Variants in HES7 observed in about 807,000 individuals in gnomAD.
HES7 encodes the protein hes family bHLH transcription factor 7.
HES7 carries 8 observed loss-of-function variants against 18.0 expected under a neutral mutation model. That is an observed-to-expected ratio of 0.45 (90% confidence interval 0.26 to 0.80). HES7 has a LOEUF of 0.80. HES7 is among the 30% of genes least tolerant of loss of function. The pLI, the probability that HES7 is intolerant of heterozygous loss-of-function variation, is 0.18. For synonymous variants in HES7, 170 were observed against 158.6 expected, an observed-to-expected ratio of 1.07 and a Z score of -0.54; for missense variants, 356 against 340.9, an observed-to-expected ratio of 1.04 and a Z score of -0.35.
rs1421863280 is a variant in HES7, at chr17:8,123,042, T to A, written c.127A>T (p.Thr43Ser). The A allele has an allele frequency of 1.3e-6, 2 of 1,599,546 alleles. No homozygotes were observed. Among genetic ancestry groups the A allele is most frequent in the Non-Finnish European group, 1.7e-6 (2 of 1,173,340 alleles). The change falls in exon 2 of 4, where the codon ACC (threonine) becomes TCC (serine). Residue 43 changes from threonine (T) to serine (S), a missense_variant. Physicochemically the swap from Thr to Ser is moderately conservative, Grantham distance 58. Coordinates refer to ENST00000541682, the MANE Select transcript of HES7 (RefSeq NM_001165967.2). The surrounding 1 kb of genome is among the most constrained non-coding windows in gnomAD (Gnocchi z 5.9). ...GCGGAGGGACTGACCTGGTCCCGGG[T>A]CCGCTCCAGCAGCAGCAGCCTCAGC... Reference protein sequence around the residue: ...EELRLLLLERTRDQNLRNPKL... With the variant: ...EELRLLLLERSRDQNLRNPKL...
chr17:8,123,422 T>C lies in HES7; in HGVS notation c.43-296A>G. ...CTCTACGTCTCCGTCTGGTGCAGTT[T>C]CTCTTTGTCTCAGTGGAGAACTTTG... On this transcript the variant is annotated intron_variant, in intron 1 of 3. Coordinates refer to ENST00000541682, the MANE Select transcript of HES7 (RefSeq NM_001165967.2). The surrounding 1 kb of genome is among the most constrained non-coding windows in gnomAD (Gnocchi z 5.9). The C allele has an allele frequency of 2.0e-6, 1 of 508,476 alleles. No homozygotes were observed. Among genetic ancestry groups the C allele is most frequent in the Non-Finnish European group, 3.6e-6 (1 of 279,736 alleles). 31.5% of individuals were successfully genotyped at this position (508,476 alleles called of 1,614,324 possible).
rs1452097871 is a variant in HES7, at chr17:8,121,784, G to A, written c.480C>T (p.Gly160=). 10 of 1,550,440 alleles carry A rather than the reference G, an allele frequency of 6.4e-6. No homozygotes were observed. Among genetic ancestry groups the A allele is most frequent in the Non-Finnish European group, 8.6e-6 (10 of 1,160,456 alleles). ...PSLDPAAPAL[G]PALHQRPPVH... is the part of the protein sequence containing the mutation. ...CTGGGGGGCGCTGGTGCAGCGCAGG[G>A]CCAAGGGCCGGTGCGGCGGGGTCCA... Residue 160 remains glycine, a synonymous_variant, in exon 4 of 4, where the codon GGC becomes GGT. Coordinates refer to ENST00000541682, the MANE Select transcript of HES7 (RefSeq NM_001165967.2).
chr17:8,122,714 A>ATAACAGAGGCTGGCT lies in HES7; in HGVS notation c.139-299_139-285dup, dbSNP rs2151854156. Among the ~76,000 whole-genome samples, 1 of 152,288 alleles carries ATAACAGAGGCTGGCT rather than the reference A, an allele frequency of 6.6e-6. No individual in the cohort carries two copies. Among genetic ancestry groups the ATAACAGAGGCTGGCT allele is most frequent in the South Asian group, 2.1e-4 (1 of 4,830 alleles). ...CAGGGAATGAAATTAACCACCCGACATAACAGAGGCTGGCTCATCAGAGGC... is the reference window on the plus strand; with the variant it reads ...CAGGGAATGAAATTAACCACCCGACATAACAGAGGCTGGCTTAACAGAGGCTGGCTCATCAGAGGC... On this transcript the variant is annotated intron_variant, in intron 2 of 3. Coordinates refer to ENST00000541682, the MANE Select transcript of HES7 (RefSeq NM_001165967.2). This position sits in a 1 kb window ranked among gnomAD's most constrained non-coding sequence, Gnocchi z 6.9.
rs1188358371 is a variant in HES7, at chr17:8,121,720, G to C, written c.544C>G (p.Pro182Ala). The C allele has an allele frequency of 2.1e-6, 3 of 1,400,430 alleles. No individual in the cohort carries two copies. The highest frequency in any genetic ancestry group is 3.0e-5 in the African/African-American group (2 of 66,226). The allele number at this position is 1,400,430 out of a possible 1,614,324, so 86.8% of individuals were successfully genotyped here. A position where few individuals can be genotyped will look rare whatever the true frequency, so the allele number is the denominator to read the frequency against. ...GHPSPRCAWSPSLCSPRAGDS... is the reference protein window; with the variant it reads ...GHPSPRCAWSASLCSPRAGDS... Reference sequence around the variant, plus strand: ...CCGGCGCGCGGGGAGCAGAGGGATGGGGACCATGCGCAGCGCGGGCTAGGG... The same window carrying C: ...CCGGCGCGCGGGGAGCAGAGGGATGCGGACCATGCGCAGCGCGGGCTAGGG... Residue 182 changes from proline (P) to alanine (A), a missense_variant, in exon 4 of 4, where the codon CCA (proline) becomes GCA (alanine). Pro to Ala is a conservative substitution (Grantham distance 27, BLOSUM62 -1). Transcript: ENST00000541682.
upstream of HES7, among the ~76,000 whole-genome samples, chr17:8,125,743 C>G (rs191194854): frequency 7.2e-5 from 11 of 152,316 alleles, no homozygotes; most frequent in Admixed American, 2.6e-4. Context: ...ATCTTTAAGC[C>G]GCGCATTGGT....
chr17:8,124,012 G>C, intron 1 of HES7, 31 bp downstream of exon 1: 1 of 1,613,306 alleles, frequency 6.2e-7, no homozygotes, highest in South Asian at 1.1e-5. Flanking sequence ...CCAAACCAGG[G>C]ACCTCTGCTC....
chr17:8,121,436 T>G lies in HES7; in HGVS notation c.*135A>C, dbSNP rs531263972. 1.6e-5 allele frequency: 9 copies of G among 574,158 alleles called. No individual in the cohort carries two copies. Among genetic ancestry groups the G allele is most frequent in the Non-Finnish European group, 2.4e-5 (9 of 380,766 alleles). 35.6% of individuals were successfully genotyped at this position (574,158 alleles called of 1,614,324 possible). A position where few individuals can be genotyped will look rare whatever the true frequency, so the allele number is the denominator to read the frequency against. The stretch of plus-strand genomic sequence containing the variant: ...TAGATACTCTAATATAGACCACATC[T>G]CACCCGCGCGCTGAGCCCGCGCGCC... On this transcript the variant is annotated 3_prime_UTR_variant, in exon 4 of 4. Coordinates refer to ENST00000541682, the MANE Select transcript of HES7 (RefSeq NM_001165967.2).
Position 8,122,120 on chromosome 17 carries a change from G to T in HES7, c.227-83C>A. 8.0e-7 allele frequency: 1 copy of T among 1,247,342 alleles called. No homozygotes were observed. The highest frequency in any genetic ancestry group is 1.1e-6 in the Non-Finnish European group (1 of 923,568). The allele number at this position is 1,247,342 out of a possible 1,614,324, so 77.3% of individuals were successfully genotyped here. On this transcript the variant is annotated intron_variant, in intron 3 of 3. Coordinates refer to ENST00000541682, the MANE Select transcript of HES7 (RefSeq NM_001165967.2). The surrounding 1 kb of genome is among the most constrained non-coding windows in gnomAD (Gnocchi z 6.9). ...AAGGGGCGGGGCGCAGAGATACCAAGGCCGGACAGGCGCACAGAGACAGGA... is the reference window on the plus strand; with the variant it reads ...AAGGGGCGGGGCGCAGAGATACCAATGCCGGACAGGCGCACAGAGACAGGA...
At position 8,122,330 on chromosome 17, in the gene HES7, C is replaced by T; in HGVS notation, c.226+13G>A. 6.4e-7 allele frequency: 1 copy of T among 1,572,776 alleles called. No homozygotes were observed. Among genetic ancestry groups the T allele is most frequent in the Non-Finnish European group, 8.6e-7 (1 of 1,158,158 alleles). On this transcript the variant is annotated intron_variant, in intron 3 of 3. Coordinates refer to ENST00000541682, the MANE Select transcript of HES7 (RefSeq NM_001165967.2). The surrounding 1 kb of genome is among the most constrained non-coding windows in gnomAD (Gnocchi z 6.9). The stretch of plus-strand genomic sequence containing the variant: ...CCCCTCCCTCCCTCCGCTGCCCCAC[C>T]CCCGCGCTGTACCCGGGGGCTCCAC...
At position 8,121,845 on chromosome 17, in the gene HES7, G is replaced by C. The variant is rs764593175; in HGVS notation, c.419C>G (p.Pro140Arg). The C allele has an allele frequency of 8.9e-6, 14 of 1,572,240 alleles. No homozygotes were observed. The highest frequency in any genetic ancestry group is 1.4e-5 in the African/African-American group (1 of 71,088). ...YLRPKPPRPKPVDPRPPAPRP... is the reference protein window; with the variant it reads ...YLRPKPPRPKRVDPRPPAPRP... The stretch of plus-strand genomic sequence containing the variant: ...CGGCGCTGGAGGCCTCGGATCTACC[G>C]GCTTGGGCCGGGGCGGTTTGGGGCG... The change falls in exon 4 of 4, where the codon CCG becomes CGG. Residue 140 changes from proline (P) to arginine (R), a missense_variant. Transcript: ENST00000541682.
upstream of HES7, among the ~76,000 whole-genome samples, chr17:8,125,627 T>C (rs528351779): frequency 1.9e-4 from 29 of 152,158 alleles, no homozygotes; most frequent in Non-Finnish European, 3.5e-4. Flanking sequence ...AAGGATGACT[T>C]GGCGCTCCAC....
Position 8,123,975 on chromosome 17 carries a change from G to T in HES7, c.42+68C>A. ...TGCGTCCCCAGCCTCTCTCCAGACC[G>T]ACGGCGTCAGGGGCCCAGTCCCCTA... On this transcript the variant is annotated intron_variant, in intron 1 of 3. Coordinates refer to ENST00000541682, the MANE Select transcript of HES7 (RefSeq NM_001165967.2). The surrounding 1 kb of genome is among the most constrained non-coding windows in gnomAD (Gnocchi z 5.9). The T allele has an allele frequency of 6.4e-7, 1 of 1,569,510 alleles. No homozygotes were observed.
chr17:8,125,970 C>T (rs933991071), upstream of HES7, among the ~76,000 whole-genome samples: 3 of 152,250 alleles, frequency 2.0e-5, no homozygotes, highest in East Asian at 1.9e-4. Context: ...CGATTCCGCA[C>T]GCCCTCGCAC....
chr17:8,121,029 T>A lies in HES7; in HGVS notation c.*542A>T, dbSNP rs1568013381. On this transcript the variant is annotated 3_prime_UTR_variant, in exon 4 of 4. Transcript: ENST00000541682. ...CCAGAGTCGATTTTATTTCAATTTT[T>A]CCTTTTTATCCGTTTTTTTCTTAAA... is the stretch of plus-strand genomic sequence containing the variant. The A allele has an allele frequency of 6.5e-6, 1 of 152,750 alleles. No homozygotes were observed. The highest frequency in any genetic ancestry group is 2.4e-5 in the African/African-American group (1 of 41,460). The allele number at this position is 152,750 out of a possible 1,614,324, so 9.5% of individuals were successfully genotyped here.
At position 8,121,851 on chromosome 17, in the gene HES7, G is replaced by C; in HGVS notation, c.413C>G (p.Pro138Arg). 6.4e-7 allele frequency: 1 copy of C among 1,572,864 alleles called. No individual in the cohort carries two copies. Among genetic ancestry groups the C allele is most frequent in the Non-Finnish European group, 8.5e-7 (1 of 1,169,936 alleles). The change falls in exon 4 of 4, where the codon CCC becomes CGC. Residue 138 changes from proline to arginine, a missense_variant. Pro to Arg is a moderately radical substitution (Grantham distance 103). Transcript: ENST00000541682. The part of the protein sequence containing the change: ...HGYLRPKPPR[P>R]KPVDPRPPAP... ...TGGAGGCCTCGGATCTACCGGCTTG[G>C]GCCGGGGCGGTTTGGGGCGCAGATA... is the stretch of plus-strand genomic sequence containing the variant.
In HES7 at chr17:8,121,004, C is replaced by G. The variant is rs555500961; in HGVS notation, c.*567G>C. 2.0e-5 allele frequency: 3 copies of G among 152,748 alleles called. No individual in the cohort carries two copies. The highest frequency in any genetic ancestry group is 4.4e-5 in the Non-Finnish European group (3 of 68,078). 9.5% of individuals were successfully genotyped at this position (152,748 alleles called of 1,614,324 possible). On this transcript the variant is annotated 3_prime_UTR_variant, in exon 4 of 4. Coordinates refer to ENST00000541682, the MANE Select transcript of HES7 (RefSeq NM_001165967.2). ...TCAAAGGTTGTGGGTTCGAATCCCA[C>G]CAGAGTCGATTTTATTTCAATTTTT...
upstream of HES7, among the ~76,000 whole-genome samples, chr17:8,125,837 C>T (rs1216377113): frequency 1.3e-5 from 2 of 152,034 alleles, no homozygotes; most frequent in African/African-American, 2.4e-5. Flanking sequence ...TTTCTTTTCT[C>T]CCCTCCAAAA....
In HES7 at chr17:8,121,187, A is replaced by T; in HGVS notation, c.*384T>A. The T allele has an allele frequency of 5.7e-6, 1 of 175,924 alleles. No homozygotes were observed. Among genetic ancestry groups the T allele is most frequent in the Non-Finnish European group, 1.2e-5 (1 of 83,996 alleles). 10.9% of individuals were successfully genotyped at this position (175,924 alleles called of 1,614,324 possible). A position where few individuals can be genotyped will look rare whatever the true frequency, so the allele number is the denominator to read the frequency against. On this transcript the variant is annotated 3_prime_UTR_variant, in exon 4 of 4. Transcript: ENST00000541682. Reference sequence around the variant, plus strand: ...GCTTGGGCCATGGAGAGCAGGACTGAGGGTGGGAGACAGAAGGGAAGGGAA... The same window carrying T: ...GCTTGGGCCATGGAGAGCAGGACTGTGGGTGGGAGACAGAAGGGAAGGGAA...
chr17:8,120,638 G>C lies in HES7; in HGVS notation c.*933C>G, dbSNP rs931924316. On this transcript the variant is annotated 3_prime_UTR_variant, in exon 4 of 4. Transcript: ENST00000541682. ...TTGGGTGGGACTATATCTGGGAGTGGGGAGCGCCTGAGCCGGAAACACCCC... is the reference window on the plus strand; with the variant it reads ...TTGGGTGGGACTATATCTGGGAGTGCGGAGCGCCTGAGCCGGAAACACCCC... 6.6e-6 allele frequency: 1 copy of C among 152,266 alleles called. No individual in the cohort carries two copies. Among genetic ancestry groups the C allele is most frequent in the Non-Finnish European group, 1.5e-5 (1 of 68,046 alleles). The allele number at this position is 152,266 out of a possible 1,614,324, so 9.4% of individuals were successfully genotyped here. A position where few individuals can be genotyped will look rare whatever the true frequency, so the allele number is the denominator to read the frequency against.
Sources: allele counts gnomAD v4.1 joint callset (sites outside exome capture counted in the v4.1 genomes callset), GRCh38; gene constraint gnomAD v4.1.1; non-coding constraint Gnocchi (gnomAD v3.1); transcripts MANE v1.5; gene names NCBI Gene and HGNC (gene_info 2026-07-23, HGNC 2026-07-21).